DPH6: variants seen among roughly 807,000 people sequenced by gnomAD.
DPH6 encodes the protein diphthamine biosynthesis 6.
DPH6 carries 33 observed loss-of-function variants against 38.2 expected under a neutral mutation model. The ratio of observed to expected loss-of-function variants is 0.86; its 90% CI spans 0.65 to 1.15. The LOEUF is 1.15. Among genes scored for constraint, DPH6 ranks in the 50% most tolerant of loss-of-function variants. DPH6 has a pLI of 0.00. For missense variants in DPH6, 325 were observed against 320.0 expected, an observed-to-expected ratio of 1.02 and a Z score of -0.12; for synonymous variants, 108 against 103.0, an observed-to-expected ratio of 1.05 and a Z score of -0.30.
intron 6 of DPH6, among the ~76,000 whole-genome samples, chr15:35,408,888 A>G (rs2053328782): frequency 6.6e-6 from 1 of 151,998 alleles, no homozygotes; most frequent in South Asian, 2.1e-4. Flanking sequence ...ACACTTCTAA[A>G]TATTTTGGTT....
the DPH6 span, among the ~76,000 whole-genome samples, chr15:35,203,805 A>G: frequency 1.3e-5 from 2 of 151,876 alleles, no homozygotes; most frequent in Admixed American, 1.3e-4. Flanking sequence ...GAAAGCACTG[A>G]CAATGCAATC....
At chr15:35,454,604 C>CTT in intron 4 of DPH6, 143 bp downstream of exon 4, 1 of 595,222 alleles carries the variant, frequency 1.7e-6, no homozygotes, top group Non-Finnish European at 2.8e-6. Context: ...ACTTTTGTTA[C>CTT]TTAGGTAAAT....
intron 4 of DPH6, among the ~76,000 whole-genome samples, chr15:35,451,075 G>T (rs1327475436): frequency 6.6e-6 from 1 of 151,946 alleles, no homozygotes; most frequent in Non-Finnish European, 1.5e-5. Flanking sequence ...CTATGTAAAA[G>T]AATTTACAAA....
At chr15:35,354,929 C>T (rs534276613) in intron 3 of DPH6, among the ~76,000 whole-genome samples, 13 of 152,178 alleles carry the variant, frequency 8.5e-5, no homozygotes, top group East Asian at 1.9e-4. Flanking sequence ...TAAGTCTCTT[C>T]GTAGGTCTCT....
intron 3 of DPH6, among the ~76,000 whole-genome samples, chr15:35,349,461 G>A (rs963183462): frequency 1.2e-4 from 18 of 152,044 alleles, no homozygotes; most frequent in African/African-American, 1.7e-4. Context: ...TTGAGACAAG[G>A]TCTCCCCCTC....
chr15:35,350,744 G>A (rs1167630173), intron 3 of DPH6, among the ~76,000 whole-genome samples: 2 of 152,098 alleles, frequency 1.3e-5, no homozygotes, highest in African/African-American at 4.8e-5. Context: ...ATTTTCAAGT[G>A]TTCCTTTTGC....
chr15:35,386,215 T>C (rs148859602), intron 6 of DPH6, among the ~76,000 whole-genome samples: 7,287 of 152,288 alleles, frequency 0.048, 211 homozygotes, highest in African/African-American at 0.082. Flanking sequence ...CCATGGTGTA[T>C]ATGTGCCACA....
At chr15:35,153,452 G>T in the DPH6 span, among the ~76,000 whole-genome samples, 22 of 152,264 alleles carry the variant, frequency 1.4e-4, no homozygotes, top group African/African-American at 5.3e-4. Context: ...ATGCATAGGT[G>T]GTTAGATGGT....
chr15:35,422,574 T>A (rs541289661), intron 5 of DPH6, among the ~76,000 whole-genome samples: 1 of 151,952 alleles, frequency 6.6e-6, no homozygotes, highest in African/African-American at 2.4e-5. Context: ...GTGTGTGTTG[T>A]GAGAACACTT....
At chr15:35,292,248 A>C (rs1044029553) in intron 3 of DPH6, among the ~76,000 whole-genome samples, 1 of 152,196 alleles carries the variant, frequency 6.6e-6, no homozygotes, top group East Asian at 1.9e-4. Flanking sequence ...CAGACACCTG[A>C]TAGTGTTATT....
At chr15:35,509,621 T>C (rs999219769) in intron 3 of DPH6, among the ~76,000 whole-genome samples, 1 of 152,220 alleles carries the variant, frequency 6.6e-6, no homozygotes, top group African/African-American at 2.4e-5. Flanking sequence ...GGGCAATCTG[T>C]ATTTATTGAA....
At position 35,542,965 on chromosome 15, in the gene DPH6, T is replaced by TATATATATATATATATATATA. The variant is rs58422347; in HGVS notation, c.24-459_24-458insTATATATATATATATATATAT. ...TAAGGAATATATATATATATATATATAAAATAATTTCATAGAAATTATTGG... is the reference window on the plus strand; with the variant it reads ...TAAGGAATATATATATATATATATATATATATATATATATATATATAAAAATAATTTCATAGAAATTATTGG... On this transcript the variant is annotated intron_variant, in intron 1 of 8. Coordinates refer to ENST00000256538, the MANE Select transcript of DPH6 (RefSeq NM_080650.4). Among the ~76,000 whole-genome samples, 13 of 76,170 alleles carry TATATATATATATATATATATA rather than the reference T, an allele frequency of 1.7e-4. No homozygotes were observed. In the East Asian group the frequency reaches 3.1e-3, roughly 18 times the overall value. The allele number at this position is 76,170 out of a possible 152,430, so 50.0% of individuals were successfully genotyped here. A position where few individuals can be genotyped will look rare whatever the true frequency, so the allele number is the denominator to read the frequency against.
At chr15:35,369,793 T>C (rs2052694736), downstream of DPH6, among the ~76,000 whole-genome samples, 2 of 151,826 alleles carry the variant, frequency 1.3e-5, no homozygotes, top group African/African-American at 4.8e-5. Flanking sequence ...AATATCGTCA[T>C]GATGTCAATT....
intron 3 of DPH6, among the ~76,000 whole-genome samples, chr15:35,221,455 G>A (rs2051441623): frequency 6.6e-6 from 1 of 152,118 alleles, no homozygotes; most frequent in South Asian, 2.1e-4. Flanking sequence ...GGGTCTCAAG[G>A]GTCTCTGAGG....
intron 5 of DPH6, among the ~76,000 whole-genome samples, chr15:35,430,337 C>T (rs560659737): frequency 1.5e-4 from 22 of 149,398 alleles, no homozygotes; most frequent in African/African-American, 5.2e-4. Flanking sequence ...GATAAATAGG[C>T]AACTTGTACT....
intron 5 of DPH6, among the ~76,000 whole-genome samples, chr15:35,426,879 AC>A (rs1047753599): frequency 4.6e-5 from 7 of 151,440 alleles, no homozygotes; most frequent in South Asian, 4.2e-4. Context: ...AAAAAAAAAA[AC>A]AACCTTGAAA....
chr15:35,508,540 T>C (rs2054726587), intron 3 of DPH6, among the ~76,000 whole-genome samples: 1 of 152,188 alleles, frequency 6.6e-6, no homozygotes, highest in Admixed American at 6.5e-5. Context: ...TCCATTTCAC[T>C]GGGCTTAAAG....
At chr15:35,278,448 G>A (rs2051873527) in intron 3 of DPH6, among the ~76,000 whole-genome samples, 1 of 152,370 alleles carries the variant, frequency 6.6e-6, no homozygotes, top group African/African-American at 2.4e-5. Context: ...GAAGCCTGAT[G>A]CAGGGGTAGA....
intron 3 of DPH6, among the ~76,000 whole-genome samples, chr15:35,277,378 G>T (rs1422743437): frequency 6.6e-6 from 1 of 152,136 alleles, no homozygotes; most frequent in Non-Finnish European, 1.5e-5. Context: ...AACAGTAGCA[G>T]TTTGACTTCC....
Sources: allele counts gnomAD v4.1 joint callset (sites outside exome capture counted in the v4.1 genomes callset), GRCh38; gene constraint gnomAD v4.1.1; transcripts MANE v1.5; gene names NCBI Gene and HGNC (gene_info 2026-07-23, HGNC 2026-07-21).